C8orf74: variants seen among roughly 807,000 people sequenced by gnomAD.
C8orf74 encodes chromosome 8 open reading frame 74, also known as uncharacterized protein C8orf74.
C8orf74 carries 29 observed loss-of-function variants against 22.2 expected under a neutral mutation model. The observed-to-expected ratio is 1.31, with a 90% CI of 0.97 to 1.78. The LOEUF (loss-of-function observed/expected upper bound fraction) is 1.78. Among genes scored for constraint, C8orf74 ranks in the 40% most tolerant of loss-of-function variants. C8orf74 has a pLI of 0.00. For synonymous variants in C8orf74, 255 were observed against 163.1 expected (o/e 1.56, Z -4.30); for missense variants, 515 against 369.9 (o/e 1.39, Z -3.22).
In C8orf74 at chr8:10,674,651, A is replaced by G. The variant is rs761604672; in HGVS notation, c.54A>G (p.Pro18=). 2.5e-6 allele frequency: 4 copies of G among 1,604,704 alleles called. No homozygotes were observed. In the East Asian group the frequency reaches 9.0e-5, roughly 36 times the overall value. ...TCCCATGTCATTCCCTGCAGAGACC[A>G]CAAGGTCGGGAGCGCCTGCGGAGGC... ...GVKEVFQLQR[P]QGRERLRRLL... is the part of the protein sequence containing the mutation. The change falls in exon 2 of 4, where the codon CCA becomes CCG. Residue 18 remains proline, a synonymous_variant. Transcript: ENST00000304519.
intron 2 of C8orf74, among the ~76,000 whole-genome samples, chr8:10,695,448 C>T (rs1266209069): frequency 1.3e-5 from 2 of 152,036 alleles, no homozygotes; most frequent in African/African-American, 2.4e-5. Flanking sequence ...CCTTCCCTCC[C>T]CCTGGAGGCT....
At chr8:10,677,151 C>A (rs752759979) in intron 2 of C8orf74, among the ~76,000 whole-genome samples, 5 of 152,088 alleles carry the variant, frequency 3.3e-5, no homozygotes, top group African/African-American at 7.2e-5. Context: ...ACAGACACCC[C>A]CTAAGGAACA....
chr8:10,694,034 C>T (rs1799438804), intron 2 of C8orf74, among the ~76,000 whole-genome samples: 1 of 152,190 alleles, frequency 6.6e-6, no homozygotes, highest in Admixed American at 6.5e-5. Flanking sequence ...TGTGAAGTGG[C>T]CCCACCTCTG....
At chr8:10,684,954 T>C (rs1390580522) in intron 2 of C8orf74, among the ~76,000 whole-genome samples, 1 of 152,082 alleles carries the variant, frequency 6.6e-6, no homozygotes, top group Non-Finnish European at 1.5e-5. Flanking sequence ...AAGTGACCAA[T>C]GGGAGGGTAG....
rs1282917665 is a variant in C8orf74 at position 10,672,660 on chromosome 8, G to A, written c.-6G>A. On this transcript the variant is annotated 5_prime_UTR_variant, in exon 1 of 4. Transcript: ENST00000304519. ...CTCCGTCTCCTGGCAACCAGATGCA[G>A]GGGCCATGGCACTCTTAACACCCCA... The A allele has an allele frequency of 6.4e-7, 1 of 1,563,424 alleles. No individual in the cohort carries two copies. Among genetic ancestry groups the A allele is most frequent in the Non-Finnish European group, 8.7e-7 (1 of 1,153,552 alleles).
chr8:10,681,421 G>T (rs1164432935), intron 2 of C8orf74, among the ~76,000 whole-genome samples: 2 of 152,166 alleles, frequency 1.3e-5, no homozygotes, highest in South Asian at 2.1e-4. Flanking sequence ...AAAACCACAG[G>T]AAGGGGGCAC....
At chr8:10,677,321 C>T (rs1799053605) in intron 2 of C8orf74, among the ~76,000 whole-genome samples, 1 of 152,194 alleles carries the variant, frequency 6.6e-6, no homozygotes, top group African/African-American at 2.4e-5. Flanking sequence ...TATTGGGCTT[C>T]ATATAATGCG....
intron 3 of C8orf74, 95 bp from the exon 4 acceptor site, chr8:10,700,139 TG>T: frequency 1.3e-6 from 1 of 775,604 alleles, no homozygotes; most frequent in Non-Finnish European, 2.1e-6. Context: ...GGATGGACAG[TG>T]GACACATTCT....
intron 2 of C8orf74, among the ~76,000 whole-genome samples, chr8:10,695,714 G>A (rs1799482173): frequency 6.6e-6 from 1 of 152,164 alleles, no homozygotes; most frequent in Non-Finnish European, 1.5e-5. Context: ...CCTGCTGAAG[G>A]GGCATGGAGC....
chr8:10,679,529 G>A (rs984940301), intron 2 of C8orf74, among the ~76,000 whole-genome samples: 2 of 152,192 alleles, frequency 1.3e-5, no homozygotes, highest in East Asian at 1.9e-4. Flanking sequence ...GTCACCAGCC[G>A]TTATCTATCC....
At chr8:10,684,130 A>G (rs1444575915) in intron 2 of C8orf74, among the ~76,000 whole-genome samples, 1 of 152,152 alleles carries the variant, frequency 6.6e-6, no homozygotes, top group Admixed American at 6.5e-5. Context: ...TGCCCATATC[A>G]TCTCATTTAG....
rs1048628157 is a variant in C8orf74 at position 10,698,020 on chromosome 8, C to G, written c.648+15C>G. ...TGGAGAGACAGGTGAGGCTCTGCCC[C>G]CCTGCCGTGGGTGGGCACCTGGGCC... is the stretch of plus-strand genomic sequence containing the variant. On this transcript the variant is annotated intron_variant, in intron 3 of 3. Coordinates refer to ENST00000304519, the MANE Select transcript of C8orf74 (RefSeq NM_001040032.2). 6 of 1,452,668 alleles carry G rather than the reference C, an allele frequency of 4.1e-6. No homozygotes were observed. Among genetic ancestry groups the G allele is most frequent in the African/African-American group, 2.8e-5 (2 of 70,710 alleles). The allele number at this position is 1,452,668 out of a possible 1,614,324, so 90.0% of individuals were successfully genotyped here. A position where few individuals can be genotyped will look rare whatever the true frequency, so the allele number is the denominator to read the frequency against.
intron 2 of C8orf74, among the ~76,000 whole-genome samples, chr8:10,685,631 G>A (rs1799247085): frequency 6.6e-6 from 1 of 152,200 alleles, no homozygotes; most frequent in Admixed American, 6.5e-5. Context: ...GATTGCCAAG[G>A]GCCAGGAGGA....
At chr8:10,689,451 G>C (rs1008292252) in intron 2 of C8orf74, 39 of 152,116 alleles carry the variant, frequency 2.6e-4, no homozygotes, top group African/African-American at 8.5e-4. Context: ...ATATTTTGTT[G>C]AGCTCATTAG....
Position 10,674,844 on chromosome 8 carries a change from G to T in C8orf74, c.241+6G>T, listed in dbSNP as rs1404245215. 5.0e-6 allele frequency: 8 copies of T among 1,590,860 alleles called. No homozygotes were observed. The highest frequency in any genetic ancestry group is 6.8e-6 in the Non-Finnish European group (8 of 1,168,562). Reference sequence around the variant, plus strand: ...GCTGCTAAGGGAAACCAAAGGTATGGTGTGTCCAGGGCAGGAGTCAGCAGA... The same window carrying T: ...GCTGCTAAGGGAAACCAAAGGTATGTTGTGTCCAGGGCAGGAGTCAGCAGA... On this transcript the variant is annotated splice_donor_region_variant and intron_variant, in intron 2 of 3. Transcript: ENST00000304519.
intron 1 of C8orf74, among the ~76,000 whole-genome samples, chr8:10,673,138 T>G (rs1798952528): frequency 6.6e-6 from 1 of 152,090 alleles, no homozygotes; most frequent in Admixed American, 6.5e-5. Context: ...TAGGCCTCCC[T>G]CTGTCACTAA....
At chr8:10,700,138 G>A in intron 3 of C8orf74, 97 bp from the exon 4 acceptor site, 1 of 773,582 alleles carries the variant, frequency 1.3e-6, no homozygotes, top group Non-Finnish European at 2.1e-6. Flanking sequence ...CGGATGGACA[G>A]TGGACACATT....
intron 2 of C8orf74, among the ~76,000 whole-genome samples, chr8:10,676,885 G>A (rs887059208): frequency 2.6e-5 from 4 of 152,194 alleles, no homozygotes; most frequent in African/African-American, 9.7e-5. Context: ...TCAGCCGCAA[G>A]CAGGTGGGAA....
At chr8:10,690,686 C>G (rs971994784) in intron 2 of C8orf74, among the ~76,000 whole-genome samples, 6 of 152,110 alleles carry the variant, frequency 3.9e-5, no homozygotes, top group African/African-American at 1.4e-4. Flanking sequence ...TGGCGCATCT[C>G]CCCCCGGCTC....
Sources: gnomAD v4.1 joint callset for allele counts (sites outside exome capture counted in the v4.1 genomes callset) on GRCh38, gnomAD v4.1.1 for gene constraint, MANE v1.5 for transcripts, NCBI Gene and HGNC (gene_info 2026-07-23, HGNC 2026-07-21) for gene names.